Variants in TRHDE observed in about 807,000 individuals in gnomAD.
TRHDE encodes the protein thyrotropin releasing hormone degrading enzyme, also known as thyrotropin-releasing hormone-degrading ectoenzyme.
A neutral mutation model predicts 125.7 loss-of-function variants in TRHDE; 72 were observed. The ratio of observed to expected loss-of-function variants is 0.57; its 90% CI spans 0.47 to 0.70. The LOEUF (loss-of-function observed/expected upper bound fraction) is 0.70. Among genes scored for constraint, TRHDE ranks in the 30% least tolerant of loss-of-function variants. TRHDE has a pLI of 0.00. For synonymous variants in TRHDE, 509 were observed against 509.1 expected (o/e 1.00, Z 0.00); for missense variants, 1,110 against 1,327.1 (o/e 0.84, Z 2.54).
intron 3 of TRHDE, among the ~76,000 whole-genome samples, chr12:72,457,166 T>G (rs2135879403): frequency 6.6e-6 from 1 of 152,252 alleles, no homozygotes; most frequent in East Asian, 1.9e-4. Flanking sequence ...GGAAAGTCTA[T>G]AGGTTTGGAA....
chr12:72,225,659 C>A (rs1220142802), intron 2 of TRHDE, among the ~76,000 whole-genome samples: 1 of 152,078 alleles, frequency 6.6e-6, no homozygotes, highest in Admixed American at 6.6e-5. Flanking sequence ...TGTTTCTTTC[C>A]TTCTGTTTAT....
intron 2 of TRHDE, among the ~76,000 whole-genome samples, chr12:72,287,822 A>T (rs1879946568): frequency 6.6e-6 from 1 of 152,230 alleles, no homozygotes; most frequent in East Asian, 1.9e-4. Flanking sequence ...ATGCAATTAC[A>T]TTGCATTAGG....
intron 3 of TRHDE, among the ~76,000 whole-genome samples, chr12:72,425,295 C>T (rs1457423967): frequency 6.6e-6 from 1 of 152,122 alleles, no homozygotes; most frequent in Non-Finnish European, 1.5e-5. Flanking sequence ...ATAGCTAATG[C>T]AACCTGCATA....
At chr12:72,157,401 A>T (rs1876541680) in intron 2 of TRHDE, among the ~76,000 whole-genome samples, 1 of 152,154 alleles carries the variant, frequency 6.6e-6, no homozygotes, top group Admixed American at 6.5e-5. Context: ...TGTGTGAAGG[A>T]GCAAATGTTC....
intron 2 of TRHDE, among the ~76,000 whole-genome samples, chr12:72,199,995 G>A (rs1877523054): frequency 6.6e-6 from 1 of 152,200 alleles, no homozygotes; most frequent in African/African-American, 2.4e-5. Context: ...TTATATGCAT[G>A]TGTAAATATT....
intron 2 of TRHDE, among the ~76,000 whole-genome samples, chr12:72,225,694 T>A (rs1878115420): frequency 2.6e-5 from 4 of 152,086 alleles, no homozygotes; most frequent in African/African-American, 9.7e-5. Context: ...CCTTGGGAGG[T>A]GGGAGATCAG....
At chr12:72,198,874 A>G (rs902065689) in intron 2 of TRHDE, among the ~76,000 whole-genome samples, 1 of 151,832 alleles carries the variant, frequency 6.6e-6, no homozygotes, top group African/African-American at 2.4e-5. Flanking sequence ...GCCTCAGGAA[A>G]CTTACAATCA....
chr12:72,421,170 C>A (rs1336768906), intron 3 of TRHDE, among the ~76,000 whole-genome samples: 1 of 152,106 alleles, frequency 6.6e-6, no homozygotes, highest in East Asian at 1.9e-4. Flanking sequence ...AAATTTATGT[C>A]TTGGAAATTT....
intron 18 of TRHDE, among the ~76,000 whole-genome samples, chr12:72,658,544 T>TTTCA (rs903183405): frequency 3.6e-4 from 55 of 152,318 alleles, no homozygotes; most frequent in African/African-American, 1.3e-3. Flanking sequence ...TCCGTTTGCC[T>TTTCA]TTCATATTTT....
intron 3 of TRHDE, among the ~76,000 whole-genome samples, chr12:72,457,677 T>C (rs1213048920): frequency 1.3e-5 from 2 of 152,292 alleles, no homozygotes; most frequent in South Asian, 2.1e-4. Flanking sequence ...GCATTTTTTA[T>C]TGAATGTTGT....
intron 2 of TRHDE, among the ~76,000 whole-genome samples, chr12:72,289,092 A>G (rs892047461): frequency 3.9e-5 from 6 of 152,174 alleles, no homozygotes; most frequent in African/African-American, 1.4e-4. Flanking sequence ...TATTCGGAGC[A>G]TATGAGAATG....
intron 6 of TRHDE, among the ~76,000 whole-genome samples, chr12:72,521,498 A>G (rs983235184): frequency 1.3e-5 from 2 of 152,196 alleles, no homozygotes; most frequent in African/African-American, 2.4e-5. Flanking sequence ...TCTACAGAGT[A>G]GAGCACATCC....
chr12:72,567,398 T>G (rs1281613628), intron 9 of TRHDE, among the ~76,000 whole-genome samples: 1 of 151,880 alleles, frequency 6.6e-6, no homozygotes, highest in Non-Finnish European at 1.5e-5. Flanking sequence ...GGAGATAGGA[T>G]TGGTATAAAA....
Position 72,417,556 on chromosome 12 carries a change from T to G in TRHDE, c.1315+39435T>G, listed in dbSNP as rs73344408. Among the ~76,000 whole-genome samples the G allele has an allele frequency of 9.5e-3, 1,446 of 152,086 alleles. 30 individuals are homozygous for G. The highest frequency in any genetic ancestry group is 0.033 in the African/African-American group (1,354 of 41,526). On this transcript the variant is annotated intron_variant, in intron 3 of 18. Coordinates refer to ENST00000261180, the MANE Select transcript of TRHDE (RefSeq NM_013381.3). The stretch of plus-strand genomic sequence containing the variant: ...ATTGGTAATTTTGAATTTGATGTTA[T>G]TTTTCAGAGGGGGAAAATTGTACTG...
intron 1 of TRHDE, among the ~76,000 whole-genome samples, chr12:72,102,878 T>C (rs1245189775): frequency 1.3e-5 from 2 of 152,178 alleles, no homozygotes; most frequent in East Asian, 3.9e-4. Flanking sequence ...GGAGGCATTG[T>C]CACAGCAGCA....
At chr12:72,499,694 T>C in intron 6 of TRHDE, 59 bp downstream of exon 6, 1 of 1,584,048 alleles carries the variant, frequency 6.3e-7, no homozygotes, top group South Asian at 1.1e-5. Context: ...GCTAAACTAA[T>C]TCATGTTAGA....
intron 2 of TRHDE, among the ~76,000 whole-genome samples, chr12:72,116,618 T>A (rs1323186365): frequency 1.3e-5 from 2 of 152,188 alleles, no homozygotes; most frequent in African/African-American, 4.8e-5. Context: ...CCAGTGATGA[T>A]GAGATTTTTT....
At chr12:72,252,846 AT>A (rs756436150) in intron 2 of TRHDE, among the ~76,000 whole-genome samples, 48 of 151,990 alleles carry the variant, frequency 3.2e-4, no homozygotes, top group South Asian at 2.1e-4. Flanking sequence ...GATAGTATAC[AT>A]TTTTTTGCCT....
At chr12:72,158,590 G>A (rs7974791) in intron 2 of TRHDE, among the ~76,000 whole-genome samples, 4,581 of 151,876 alleles carry the variant, frequency 0.03, 122 homozygotes, top group African/African-American at 0.068. Context: ...CTTATTTCTG[G>A]TATTACTTTT....
Sources: allele counts gnomAD v4.1 joint callset (sites outside exome capture counted in the v4.1 genomes callset), GRCh38; gene constraint gnomAD v4.1.1; transcripts MANE v1.5; gene names NCBI Gene and HGNC (gene_info 2026-07-23, HGNC 2026-07-21).